Variants in PCDHA3 observed in about 807,000 individuals in gnomAD.
The protein encoded by PCDHA3 is protocadherin alpha 3, also known as protocadherin alpha-3.
In PCDHA3, 41 loss-of-function variants were observed where a neutral mutation model predicts 62.2. The ratio of observed to expected loss-of-function variants is 0.66; its 90% CI spans 0.51 to 0.86. PCDHA3 has a LOEUF of 0.86. PCDHA3 is among the 40% of genes least tolerant of loss of function. The pLI is 0.00. For synonymous variants in PCDHA3, 640 were observed against 555.4 expected (o/e 1.15, Z -2.14); for missense variants, 1,304 against 1,241.2 (o/e 1.05, Z -0.76).
In PCDHA3 at chr5:140,863,566, A is replaced by G. The variant is rs1390955253; in HGVS notation, c.2394+59975A>G. The G allele has an allele frequency of 2.9e-5, 11 of 373,988 alleles. No individual in the cohort carries two copies. In the East Asian group the frequency reaches 4.0e-4, roughly 13 times the overall value. The allele number at this position is 373,988 out of a possible 1,614,324, so 23.2% of individuals were successfully genotyped here. A position where few individuals can be genotyped will look rare whatever the true frequency, so the allele number is the denominator to read the frequency against. On this transcript the variant is annotated intron_variant, in intron 1 of 3. Transcript: ENST00000522353. Reference sequence around the variant, plus strand: ...ACTTCAATAGGAAATTTTTGAGAATATAAGTACTGTAATCCTGGAAAGTAT... The same window carrying G: ...ACTTCAATAGGAAATTTTTGAGAATGTAAGTACTGTAATCCTGGAAAGTAT...
intron 1 of PCDHA3, chr5:140,843,831 T>C: frequency 8.9e-7 from 1 of 1,120,120 alleles, no homozygotes; most frequent in Non-Finnish European, 1.3e-6. Context: ...TAAACATTGT[T>C]TAGTTTTTAG....
chr5:141,007,395 CAAAAAA>C (rs35800918), intron 3 of PCDHA3, among the ~76,000 whole-genome samples: 3 of 94,844 alleles, frequency 3.2e-5, no homozygotes, highest in East Asian at 2.9e-4. Flanking sequence ...TACTAAAATA[CAAAAAA>C]AAAAAAAAAA....
intron 3 of PCDHA3, among the ~76,000 whole-genome samples, chr5:141,003,690 T>C (rs1441506131): frequency 2.0e-5 from 3 of 152,232 alleles, no homozygotes; most frequent in African/African-American, 7.2e-5. Flanking sequence ...TTTTAAAATA[T>C]ATCCCTACCA....
chr5:140,966,234 C>T (rs77272068), intron 1 of PCDHA3: 2,919 of 290,608 alleles, frequency 0.01, 77 homozygotes, highest in African/African-American at 0.056. Context: ...CTTAAAGACC[C>T]GTTAAGCAGG....
intron 1 of PCDHA3, chr5:140,829,547 G>A (rs2150169792): frequency 2.5e-6 from 4 of 1,612,860 alleles, no homozygotes; most frequent in African/African-American, 1.3e-5. Flanking sequence ...GGACGCGCAG[G>A]AGAACGCGCT....
intron 1 of PCDHA3, chr5:140,928,199 C>T: frequency 6.2e-7 from 1 of 1,614,226 alleles, no homozygotes; most frequent in South Asian, 1.1e-5. Context: ...GTGTCAGTTG[C>T]TGATGTGAAT....
chr5:140,963,207 CCT>C (rs1246984290), intron 1 of PCDHA3, among the ~76,000 whole-genome samples: 4 of 148,438 alleles, frequency 2.7e-5, no homozygotes, highest in East Asian at 1.9e-4. Flanking sequence ...AAAAAAAAAA[CCT>C]CGTGTTTAGA....
intron 1 of PCDHA3, chr5:140,856,566 CA>C (rs1554148860): frequency 6.3e-7 from 1 of 1,597,240 alleles, no homozygotes; most frequent in South Asian, 1.1e-5. Flanking sequence ...AAACTCAGTC[CA>C]AATGAGTATT....
intron 1 of PCDHA3, chr5:140,853,468 T>A: frequency 1.0e-6 from 1 of 970,862 alleles, no homozygotes. Flanking sequence ...TATGCATCTG[T>A]AGTTAACATT....
In PCDHA3 at chr5:141,011,794, G is replaced by A. The variant is rs782200485; in HGVS notation, c.*1857G>A. 2 of 153,664 alleles carry A rather than the reference G, an allele frequency of 1.3e-5. No individual in the cohort carries two copies. The highest frequency in any genetic ancestry group is 2.9e-5 in the Non-Finnish European group (2 of 68,028). The allele number at this position is 153,664 out of a possible 1,614,324, so 9.5% of individuals were successfully genotyped here. ...ATGCTTTGAAATTCTAATGGTATCT[G>A]AAATATCAGCTCATAGAAAGTAACA... On this transcript the variant is annotated 3_prime_UTR_variant, in exon 4 of 4. Coordinates refer to ENST00000522353, the MANE Select transcript of PCDHA3 (RefSeq NM_018906.3).
In PCDHA3 at chr5:140,801,103, C is replaced by T; in HGVS notation, c.-95C>T. 2 of 1,505,556 alleles carry T rather than the reference C, an allele frequency of 1.3e-6. No homozygotes were observed. Among genetic ancestry groups the T allele is most frequent in the Non-Finnish European group, 1.8e-6 (2 of 1,133,788 alleles). 93.3% of individuals were successfully genotyped at this position (1,505,556 alleles called of 1,614,324 possible). On this transcript the variant is annotated 5_prime_UTR_variant, in exon 1 of 4. Coordinates refer to ENST00000522353, the MANE Select transcript of PCDHA3 (RefSeq NM_018906.3). ...TTGCTTCATCCTCTCTAAAATTTAA[C>T]ACCGAGGAGTTTAAGAAATGAAGAT... is the stretch of plus-strand genomic sequence containing the variant.
At chr5:140,854,210 T>C in intron 1 of PCDHA3, 2 of 643,974 alleles carry the variant, frequency 3.1e-6, no homozygotes, top group Non-Finnish European at 3.8e-6. Context: ...TTTTATTCAA[T>C]ATTGGACATC....
intron 1 of PCDHA3, chr5:140,808,630 C>G: frequency 6.2e-7 from 1 of 1,613,606 alleles, no homozygotes; most frequent in Non-Finnish European, 8.5e-7. Flanking sequence ...CTGCGTGGGA[C>G]GCGGACGCGC....
At position 140,870,595 on chromosome 5, in the gene PCDHA3, T is replaced by G. The variant is rs573002634; in HGVS notation, c.2394+67004T>G. ...GTCCTACTCGCTGGTGGAGCGGCGG[T>G]TGGGCGACCGCGCGCTGTCGAGCTA... On this transcript the variant is annotated intron_variant, in intron 1 of 3. Transcript: ENST00000522353. The G allele has an allele frequency of 8.9e-5, 144 of 1,613,242 alleles. No homozygotes were observed. The South Asian group carries it at 9.4e-4, about 11-fold the overall frequency.
At chr5:140,817,879 A>AT (rs1554127333) in intron 1 of PCDHA3, among the ~76,000 whole-genome samples, 1 of 152,168 alleles carries the variant, frequency 6.6e-6, no homozygotes, top group Non-Finnish European at 1.5e-5. Context: ...AATGAAAGTT[A>AT]TTTTTGCCAG....
intron 1 of PCDHA3, among the ~76,000 whole-genome samples, chr5:140,955,135 G>A (rs114298661): frequency 0.017 from 2,539 of 152,204 alleles, 31 homozygotes; most frequent in Middle Eastern, 0.034. Flanking sequence ...TGGTCTACAC[G>A]TCTGTTTTTG....
intron 1 of PCDHA3, among the ~76,000 whole-genome samples, chr5:140,975,280 T>C (rs914764307): frequency 6.6e-6 from 1 of 152,252 alleles, no homozygotes; most frequent in Non-Finnish European, 1.5e-5. Flanking sequence ...CTCTGACCTC[T>C]AGACCCAGAT....
chr5:140,993,380 C>G (rs1304300325), intron 3 of PCDHA3, among the ~76,000 whole-genome samples: 1 of 151,860 alleles, frequency 6.6e-6, no homozygotes, highest in Non-Finnish European at 1.5e-5. Context: ...CCAGCCGGGT[C>G]CCTGAAACTC....
At chr5:140,871,595 C>A in intron 1 of PCDHA3, 1 of 1,454,324 alleles carries the variant, frequency 6.9e-7, no homozygotes, top group South Asian at 1.5e-5. Context: ...TTATGAATAA[C>A]CAGTGTTTTG....
Sources: gnomAD v4.1 joint callset for allele counts (sites outside exome capture counted in the v4.1 genomes callset) on GRCh38, gnomAD v4.1.1 for gene constraint, MANE v1.5 for transcripts, NCBI Gene and HGNC (gene_info 2026-07-23, HGNC 2026-07-21) for gene names.